The following PABPC4L variants were observed in gnomAD, a reference collection of about 807,000 sequenced individuals.
PABPC4L encodes polyadenylate-binding protein 4-like.
For missense variants in PABPC4L, 452 were observed against 451.4 expected, an observed-to-expected ratio of 1.00 and a Z score of -0.01; for synonymous variants, 169 against 164.1, an observed-to-expected ratio of 1.03 and a Z score of -0.23.
At chr4:134,008,559 A>T in the PABPC4L span, among the ~76,000 whole-genome samples, 2 of 151,840 alleles carry the variant, frequency 1.3e-5, no homozygotes, top group Non-Finnish European at 3.0e-5. Flanking sequence ...GAAACTATTT[A>T]TCCAAACCCT....
At chr4:134,024,380 A>G in the PABPC4L span, among the ~76,000 whole-genome samples, 1 of 152,274 alleles carries the variant, frequency 6.6e-6, no homozygotes, top group African/African-American at 2.4e-5. Flanking sequence ...TCACAGATCC[A>G]GAGGCTAGAA....
At chr4:134,035,340 C>A in the PABPC4L span, among the ~76,000 whole-genome samples, 40 of 151,958 alleles carry the variant, frequency 2.6e-4, no homozygotes, top group African/African-American at 8.7e-4. Context: ...CCTGTAATGT[C>A]TCTGAGATAT....
At chr4:134,089,137 T>C in the PABPC4L span, among the ~76,000 whole-genome samples, 2 of 152,154 alleles carry the variant, frequency 1.3e-5, no homozygotes, top group Non-Finnish European at 1.5e-5. Context: ...GAATATTTTA[T>C]TGCTAATAGT....
the PABPC4L span, among the ~76,000 whole-genome samples, chr4:134,164,336 G>A: frequency 6.9e-6 from 1 of 145,450 alleles, no homozygotes; most frequent in Non-Finnish European, 1.5e-5. Flanking sequence ...AATAAATAAA[G>A]GACATCTGTT....
chr4:134,159,443 C>T, the PABPC4L span, among the ~76,000 whole-genome samples: 1 of 152,088 alleles, frequency 6.6e-6, no homozygotes, highest in Non-Finnish European at 1.5e-5. Context: ...TACAGGACCC[C>T]TCCCTCAAGC....
chr4:134,129,482 A>C, the PABPC4L span, among the ~76,000 whole-genome samples: 793 of 152,194 alleles, frequency 5.2e-3, 9 homozygotes, highest in African/African-American at 0.018. Context: ...ACTCTCTCAG[A>C]CCACAGTGGA....
At chr4:134,177,027 C>T in the PABPC4L span, among the ~76,000 whole-genome samples, 3 of 151,996 alleles carry the variant, frequency 2.0e-5, no homozygotes, top group East Asian at 1.9e-4. Context: ...ATTGTTGCAC[C>T]GCCCTTTCCG....
chr4:134,059,566 T>C, the PABPC4L span, among the ~76,000 whole-genome samples: 1 of 151,264 alleles, frequency 6.6e-6, no homozygotes, highest in East Asian at 1.9e-4. Context: ...CTCAGGGAGA[T>C]AATAGAACAT....
chr4:134,002,297 TTAAAG>T, the PABPC4L span, among the ~76,000 whole-genome samples: 1 of 151,874 alleles, frequency 6.6e-6, no homozygotes, highest in African/African-American at 2.4e-5. Flanking sequence ...AAATATTATA[TTAAAG>T]TATTCATTAT....
the PABPC4L span, among the ~76,000 whole-genome samples, chr4:134,163,697 A>G: frequency 1.3e-5 from 2 of 152,224 alleles, no homozygotes; most frequent in African/African-American, 4.8e-5. Context: ...AAGATATGCA[A>G]GTCAATAAAT....
At chr4:134,120,289 C>G in the PABPC4L span, among the ~76,000 whole-genome samples, 3 of 140,202 alleles carry the variant, frequency 2.1e-5, no homozygotes, top group African/African-American at 7.8e-5. Context: ...TTTAGCCATT[C>G]TAATGAACTA....
At chr4:134,063,547 C>G in the PABPC4L span, among the ~76,000 whole-genome samples, 1 of 151,580 alleles carries the variant, frequency 6.6e-6, no homozygotes, top group African/African-American at 2.4e-5. Flanking sequence ...AAATATATAC[C>G]CACAATAATA....
the PABPC4L span, among the ~76,000 whole-genome samples, chr4:134,013,343 A>G: frequency 2.8e-3 from 427 of 151,606 alleles, 4 homozygotes; most frequent in African/African-American, 9.7e-3. Context: ...GCTTTTCTGG[A>G]GGGCAAGAAC....
the PABPC4L span, among the ~76,000 whole-genome samples, chr4:134,141,866 T>C: frequency 8.6e-5 from 13 of 151,638 alleles, no homozygotes; most frequent in Non-Finnish European, 1.9e-4. Context: ...GCTAACTAGG[T>C]CTGATAGACA....
chr4:134,083,620 G>T, the PABPC4L span, among the ~76,000 whole-genome samples: 1 of 152,174 alleles, frequency 6.6e-6, no homozygotes, highest in Admixed American at 6.5e-5. Flanking sequence ...GAAAGCTATG[G>T]AAGATTAAAG....
chr4:133,961,020 A>T, the PABPC4L span, among the ~76,000 whole-genome samples: 1 of 152,076 alleles, frequency 6.6e-6, no homozygotes, highest in Non-Finnish European at 1.5e-5. Context: ...TGGGAGTTCT[A>T]GGGCCCCACC....
At chr4:134,021,424 G>T in the PABPC4L span, among the ~76,000 whole-genome samples, 6 of 152,194 alleles carry the variant, frequency 3.9e-5, no homozygotes, top group African/African-American at 1.4e-4. Context: ...AATAGCTTGC[G>T]CTTTCAGGTT....
chr4:134,166,707 G>A, the PABPC4L span, among the ~76,000 whole-genome samples: 4 of 152,154 alleles, frequency 2.6e-5, no homozygotes, highest in East Asian at 1.9e-4. Flanking sequence ...CACAAATTAA[G>A]CCAGTATATC....
chr4:133,959,862 G>A, the PABPC4L span, among the ~76,000 whole-genome samples: 1 of 152,152 alleles, frequency 6.6e-6, no homozygotes, highest in African/African-American at 2.4e-5. Flanking sequence ...GAGACATATA[G>A]GTGAGAAGTT....
Sources: allele counts gnomAD v4.1 joint callset (sites outside exome capture counted in the v4.1 genomes callset), GRCh38; gene constraint gnomAD v4.1.1; transcripts MANE v1.5; gene names NCBI Gene and HGNC (gene_info 2026-07-23, HGNC 2026-07-21).